Variants in RNF213 observed in about 807,000 individuals in gnomAD.
RNF213 encodes the protein ring finger protein 213.
A neutral mutation model predicts 514.4 loss-of-function variants in RNF213; 341 were observed. The ratio of observed to expected loss-of-function variants is 0.66; its 90% CI spans 0.61 to 0.73. The LOEUF (loss-of-function observed/expected upper bound fraction) is 0.73. RNF213 is among the 30% of genes least tolerant of loss of function. The probability of loss-of-function intolerance (pLI) is 0.00; values close to 1 mark genes in which losing one functional copy is unlikely to be tolerated. For synonymous variants in RNF213, 2,655 were observed against 2,658.2 expected (o/e 1.00, Z 0.04); for missense variants, 5,767 against 6,615.6 (o/e 0.87, Z 4.45).
At position 80,348,085 on chromosome 17, in the gene RNF213, G is replaced by A; in HGVS notation, c.9750G>A (p.Val3250=). ...TGACGGAGGAACTTCACCAGAAGGT[G>A]TCTGAGGAGGCCAAATCGATCCTGC... ...RALTEELHQK[V]SEEAKSILLN... is the part of the protein sequence containing the mutation. The change falls in exon 29 of 68, where the codon GTG becomes GTA. Residue 3250 remains valine, a synonymous_variant. Coordinates refer to ENST00000582970, the MANE Select transcript of RNF213 (RefSeq NM_001256071.3). 1.2e-6 allele frequency: 2 copies of A among 1,614,146 alleles called. No homozygotes were observed. The highest frequency in any genetic ancestry group is 1.1e-5 in the South Asian group (1 of 91,088).
intron 36 of RNF213, among the ~76,000 whole-genome samples, chr17:80,356,394 C>T (rs138880468): frequency 1.0e-3 from 158 of 152,374 alleles, no homozygotes; most frequent in Middle Eastern, 6.8e-3. Context: ...CTGCTGTTCA[C>T]GCAGCACTAG....
chr17:80,303,045 G>T (rs1437942583), intron 11 of RNF213, among the ~76,000 whole-genome samples: 2 of 152,152 alleles, frequency 1.3e-5, no homozygotes, highest in Non-Finnish European at 2.9e-5. Context: ...TCATTCACTG[G>T]ATGAATACTT....
intron 37 of RNF213, among the ~76,000 whole-genome samples, chr17:80,359,579 GAAGA>G (rs1300436786): frequency 7.0e-6 from 1 of 142,156 alleles, no homozygotes; most frequent in South Asian, 2.3e-4. Context: ...GAGACAGAAG[GAAGA>G]AAGAGAAAGA....
In RNF213 at chr17:80,383,809, G is replaced by A. The variant is rs2080120389; in HGVS notation, c.14203G>A (p.Val4735Ile). The change falls in exon 59 of 68, where the codon GTC becomes ATC. Residue 4735 changes from valine (V) to isoleucine (I), a missense_variant. Val to Ile is a conservative substitution (Grantham distance 29). Around this residue, in one of 13 missense-constraint regions of RNF213, gnomAD observed 1,245 missense variants for 1,339.0 expected, o/e 0.93. Transcript: ENST00000582970. ...FLPHLPRKSVVHCSKIWSCRK... is the reference protein window; with the variant it reads ...FLPHLPRKSVIHCSKIWSCRK... ...GCCCCACCTGCCCCGGAAAAGTGTG[G>A]TCCATTGCTCTAAGATTTGGAGCTG... 1.2e-6 allele frequency: 2 copies of A among 1,614,200 alleles called. No individual in the cohort carries two copies. The highest frequency in any genetic ancestry group is 1.1e-5 in the South Asian group (1 of 91,076).
rs756574061 is a variant in RNF213, at chr17:80,386,344, C to T, written c.14634C>T (p.Leu4878=). 1 of 1,614,150 alleles carries T rather than the reference C, an allele frequency of 6.2e-7. No individual in the cohort carries two copies. The highest frequency in any genetic ancestry group is 1.7e-5 in the Admixed American group (1 of 60,028). Residue 4878 remains leucine, a synonymous_variant, in exon 62 of 68, where the codon CTC becomes CTT. Transcript: ENST00000582970. ...TGCCACGCCGACGGGGCCTGGGCCTCTGTGCTACCGCTCTCGTCAGCTACT... is the reference window on the plus strand; with the variant it reads ...TGCCACGCCGACGGGGCCTGGGCCTTTGTGCTACCGCTCTCGTCAGCTACT... The part of the protein sequence containing the change: ...ILLPRRRGLG[L]CATALVSYLI...
chr17:80,344,099 G>C, intron 28 of RNF213, 84 bp downstream of exon 28: 1 of 1,441,332 alleles, frequency 6.9e-7, no homozygotes, highest in Non-Finnish European at 9.5e-7. Context: ...GCGCGTTTAG[G>C]AGACTCCACA....
chr17:80,353,170 TC>T lies in RNF213; in HGVS notation c.10423+112del. 1 of 1,459,792 alleles carries T rather than the reference TC, an allele frequency of 6.9e-7. No homozygotes were observed. Among genetic ancestry groups the T allele is most frequent in the African/African-American group, 1.4e-5 (1 of 72,354 alleles). 90.4% of individuals were successfully genotyped at this position (1,459,792 alleles called of 1,614,324 possible). On this transcript the variant is annotated intron_variant, in intron 33 of 67. Transcript: ENST00000582970. This position sits in a 1 kb window ranked among gnomAD's most constrained non-coding sequence, Gnocchi z 5.0. ...GAGCAGGGCCACCGTGTTTCGTCCCTCGGCAGGAGCTCGGGGACACATCTGC... is the reference window on the plus strand; with the variant it reads ...GAGCAGGGCCACCGTGTTTCGTCCCTGGCAGGAGCTCGGGGACACATCTGC...
chr17:80,262,827 C>A (rs1217517063), intron 1 of RNF213, among the ~76,000 whole-genome samples: 1 of 152,156 alleles, frequency 6.6e-6, no homozygotes, highest in Non-Finnish European at 1.5e-5. Context: ...AGGGCAGGGC[C>A]AGGGCAGGGA....
rs117945446 is a variant in RNF213, at chr17:80,299,305, T to C, written c.2210+787T>C. On this transcript the variant is annotated intron_variant, in intron 11 of 67. Coordinates refer to ENST00000582970, the MANE Select transcript of RNF213 (RefSeq NM_001256071.3). ...TTTGGTTGGTTGTGCAGTTTCGTTT[T>C]TTCAGCGTGCTTTCATAAGCATCCT... 7.2e-3 allele frequency among the ~76,000 whole-genome samples: 1,100 copies of C among 152,312 alleles called. 4 individuals carry two copies. Among genetic ancestry groups the C allele is most frequent in the Admixed American group, 0.014 (213 of 15,282 alleles).
rs76839993 is a variant in RNF213, at chr17:80,288,713, A to G, written c.891A>G (p.Lys297=). 1.4e-5 allele frequency: 23 copies of G among 1,614,164 alleles called. No homozygotes were observed. The South Asian group carries it at 2.4e-4, about 17-fold the overall frequency. Reference sequence around the variant, plus strand: ...TGAAAGAGAAGACCCAGAGAATGAAACAGCCACCAGCAACCACTCCTCCTT... The same window carrying G: ...TGAAAGAGAAGACCCAGAGAATGAAGCAGCCACCAGCAACCACTCCTCCTT... The part of the protein sequence containing the change: ...KEMKEKTQRM[K]QPPATTPPFK... Residue 297 remains lysine (K), a synonymous_variant, in exon 5 of 68, where the codon AAA becomes AAG. Transcript: ENST00000582970. This position sits in a 1 kb window ranked among gnomAD's most constrained non-coding sequence, Gnocchi z 4.9.
chr17:80,339,491 G>T lies in RNF213; in HGVS notation c.5124G>T (p.Gln1708His). ...ACCTGAACTTCTACACGGCAGAGCAGCTGGTTTACCTGAGCACTGAGCTCA... is the reference window on the plus strand; with the variant it reads ...ACCTGAACTTCTACACGGCAGAGCATCTGGTTTACCTGAGCACTGAGCTCA... The part of the protein sequence containing the change: ...HFYLNFYTAE[Q>H]LVYLSTELRK... The change falls in exon 26 of 68, where the codon CAG becomes CAT. Residue 1708 changes from glutamine (Q) to histidine (H), a missense_variant. This residue lies in a region of RNF213 where 1,377 missense variants were observed against 1,635.2 expected (regional missense o/e 0.84). Coordinates refer to ENST00000582970, the MANE Select transcript of RNF213 (RefSeq NM_001256071.3). 6.5e-7 allele frequency: 1 copy of T among 1,537,254 alleles called. No individual in the cohort carries two copies. Among genetic ancestry groups the T allele is most frequent in the Non-Finnish European group, 8.7e-7 (1 of 1,146,906 alleles).
intron 15 of RNF213, chr17:80,316,725 C>T (rs1487331657): frequency 7.5e-6 from 2 of 267,556 alleles, no homozygotes; most frequent in Admixed American, 4.8e-5. Context: ...CTGCAACTTA[C>T]TTTCCAACGG....
rs1052229010 is a variant in RNF213, at chr17:80,288,975, G to C, written c.933+220G>C. On this transcript the variant is annotated intron_variant, in intron 5 of 67. Coordinates refer to ENST00000582970, the MANE Select transcript of RNF213 (RefSeq NM_001256071.3). The surrounding 1 kb of genome is among the most constrained non-coding windows in gnomAD (Gnocchi z 4.9). ...GGAGGGAGGGAGAGAGGGCACCCAG[G>C]TGGGCCCCGAGGTACCATGGCACCC... Among the ~76,000 whole-genome samples, 1 of 152,200 alleles carries C rather than the reference G, an allele frequency of 6.6e-6. No individual in the cohort carries two copies. Among genetic ancestry groups the C allele is most frequent in the African/African-American group, 2.4e-5 (1 of 41,454 alleles).
chr17:80,377,286 AAAC>A lies in RNF213; in HGVS notation c.13510+326_13510+328del, dbSNP rs2079799869. Reference sequence around the variant, plus strand: ...GAGACGCATTCAAAGGCCCACCACAAAACAAAGTTTTTGACACAAAGCTCTTCT... The same window carrying A: ...GAGACGCATTCAAAGGCCCACCACAAAAAGTTTTTGACACAAAGCTCTTCT... On this transcript the variant is annotated intron_variant, in intron 53 of 67. Transcript: ENST00000582970. The surrounding 1 kb of genome is among the most constrained non-coding windows in gnomAD (Gnocchi z 4.1). The A allele has an allele frequency of 7.1e-6, 3 of 423,264 alleles. No homozygotes were observed. The allele number at this position is 423,264 out of a possible 1,614,324, so 26.2% of individuals were successfully genotyped here. A position where few individuals can be genotyped will look rare whatever the true frequency, so the allele number is the denominator to read the frequency against.
chr17:80,283,794 G>C (rs2044380517), intron 3 of RNF213, among the ~76,000 whole-genome samples: 1 of 152,250 alleles, frequency 6.6e-6, no homozygotes, highest in South Asian at 2.1e-4. Context: ...CAGAGCCTCA[G>C]GATTCTCCGT....
rs2080253850 is a variant in RNF213, at chr17:80,386,799, G to A, written c.14830G>A (p.Gly4944Ser). The change falls in exon 63 of 68, where the codon GGC becomes AGC. Residue 4944 changes from glycine (G) to serine (S), a missense_variant. Transcript: ENST00000582970. The part of the protein sequence containing the change: ...LSNCQYQVEE[G>S]RETVQEFDLE... ...CAACTGCCAGTACCAGGTGGAGGAG[G>A]GCAGAGAGACCGTGCAGGAGTTCGA... 2 of 1,614,082 alleles carry A rather than the reference G, an allele frequency of 1.2e-6. No individual in the cohort carries two copies. The highest frequency in any genetic ancestry group is 1.3e-5 in the African/African-American group (1 of 74,922).
chr17:80,291,594 T>C, intron 7 of RNF213, 34 bp from the exon 8 acceptor site: 1 of 1,610,106 alleles, frequency 6.2e-7, no homozygotes, highest in Non-Finnish European at 8.5e-7. Context: ...GGGTAGGAAT[T>C]TTGGATAGCC....
Position 80,379,498 on chromosome 17 carries a change from C to G in RNF213, c.13546-122C>G, listed in dbSNP as rs973439999. 1.9e-5 allele frequency: 18 copies of G among 944,072 alleles called. 2 individuals carry two copies. The highest frequency in any genetic ancestry group is 1.8e-4 in the South Asian group (14 of 76,164). The allele number at this position is 944,072 out of a possible 1,614,324, so 58.5% of individuals were successfully genotyped here. A position where few individuals can be genotyped will look rare whatever the true frequency, so the allele number is the denominator to read the frequency against. The stretch of plus-strand genomic sequence containing the variant: ...TCCACCCACCCGAAACAAGCACACA[C>G]TGGGACAATCTGAGGGTGCTCACGT... On this transcript the variant is annotated intron_variant, in intron 54 of 67. Transcript: ENST00000582970.
intron 2 of RNF213, among the ~76,000 whole-genome samples, chr17:80,269,452 C>G (rs531748113): frequency 6.8e-6 from 1 of 147,266 alleles, no homozygotes; most frequent in Non-Finnish European, 1.5e-5. Flanking sequence ...ATCCATCCAT[C>G]TATTCATCCA....
Sources: allele counts gnomAD v4.1 joint callset (sites outside exome capture counted in the v4.1 genomes callset), GRCh38; gene constraint gnomAD v4.1.1; regional missense constraint gnomAD v4.1.1; non-coding constraint Gnocchi (gnomAD v3.1); transcripts MANE v1.5; gene names NCBI Gene and HGNC (gene_info 2026-07-23, HGNC 2026-07-21).